TEKTL1: variants seen among roughly 807,000 people sequenced by gnomAD.
TEKTL1 encodes the protein tektin like 1, also known as tektin-like protein 1.
the TEKTL1 span, among the ~76,000 whole-genome samples, chr19:15,017,750 T>C: frequency 6.6e-6 from 1 of 152,078 alleles, no homozygotes; most frequent in East Asian, 1.9e-4. Flanking sequence ...AACCAAGCAA[T>C]TGACACCCAG....
At chr19:15,021,293 G>T in the TEKTL1 span, 1 of 1,592,110 alleles carries the variant, frequency 6.3e-7, no homozygotes, top group Non-Finnish European at 8.6e-7. Flanking sequence ...ATAGAGAGAG[G>T]GACAGGGGCT....
chr19:15,020,346 A>T, the TEKTL1 span: 2 of 828,798 alleles, frequency 2.4e-6, no homozygotes, highest in Non-Finnish European at 3.7e-6. Context: ...TTCCGTTTAG[A>T]GGTAGAAATG....
the TEKTL1 span, chr19:15,010,763 T>C: frequency 6.9e-7 from 1 of 1,454,866 alleles, no homozygotes; most frequent in East Asian, 2.5e-5. Flanking sequence ...GAGTTGTGTG[T>C]CTTTGGGGTC....
At chr19:15,023,060 G>A in the TEKTL1 span, 4 of 1,611,700 alleles carry the variant, frequency 2.5e-6, no homozygotes, top group South Asian at 1.1e-5. Context: ...GCAGCGCCTG[G>A]TTAAGGACTG....
the TEKTL1 span, among the ~76,000 whole-genome samples, chr19:15,014,795 C>T: frequency 9.2e-4 from 139 of 150,332 alleles, 1 homozygote; most frequent in Non-Finnish European, 1.8e-3. Flanking sequence ...TATCTTCTGG[C>T]CGCTGTCATA....
At chr19:15,018,171 A>G in the TEKTL1 span, among the ~76,000 whole-genome samples, 1 of 152,056 alleles carries the variant, frequency 6.6e-6, no homozygotes. Context: ...TGGCCAACAT[A>G]GCAAAATCCT....
At chr19:15,014,739 G>GGT in the TEKTL1 span, among the ~76,000 whole-genome samples, 1 of 99,478 alleles carries the variant, frequency 1.0e-5, no homozygotes, top group Non-Finnish European at 2.0e-5. Context: ...GGCGGGGGGC[G>GGT]GGGGCTGCTG....
the TEKTL1 span, chr19:15,021,746 G>T: frequency 3.7e-6 from 6 of 1,612,224 alleles, no homozygotes; most frequent in Non-Finnish European, 5.1e-6. Flanking sequence ...GGGGGTGGAG[G>T]CAGGGGTGCC....
At chr19:15,013,641 C>A in the TEKTL1 span, 2 of 1,522,096 alleles carry the variant, frequency 1.3e-6, no homozygotes, top group South Asian at 1.1e-5. Context: ...CCTTTCTTAA[C>A]GATGTGAGGG....
chr19:15,011,734 C>CA, the TEKTL1 span, among the ~76,000 whole-genome samples: 18,699 of 121,454 alleles, frequency 0.15, 1,463 homozygotes, highest in South Asian at 0.27. Context: ...AACTCCATCT[C>CA]AAAAAAAAAA....
chr19:15,022,331 ATTG>A, the TEKTL1 span, among the ~76,000 whole-genome samples: 3 of 151,892 alleles, frequency 2.0e-5, no homozygotes, highest in African/African-American at 7.3e-5. Flanking sequence ...ATTAACTATT[ATTG>A]TTATTATTAT....
the TEKTL1 span, among the ~76,000 whole-genome samples, chr19:15,012,921 G>A: frequency 7.5e-6 from 1 of 134,216 alleles, no homozygotes. Context: ...CCCAACCCAG[G>A]TGAAACTCCC....
chr19:15,013,528 C>G, the TEKTL1 span: 1 of 613,852 alleles, frequency 1.6e-6, no homozygotes, highest in African/African-American at 1.9e-5. Context: ...AGTGAGACAC[C>G]CCACCCAAAG....
At chr19:15,010,804 G>A in the TEKTL1 span, 2 of 1,507,012 alleles carry the variant, frequency 1.3e-6, no homozygotes, top group Non-Finnish European at 1.8e-6. Flanking sequence ...TCCCGGCCAG[G>A]CCGAGAGACC....
At chr19:15,011,902 T>G in the TEKTL1 span, among the ~76,000 whole-genome samples, 3 of 152,006 alleles carry the variant, frequency 2.0e-5, no homozygotes, top group Non-Finnish European at 2.9e-5. Flanking sequence ...TGCAGTGAAC[T>G]ATGATGGCAC....
the TEKTL1 span, chr19:15,020,345 G>T: frequency 2.4e-6 from 2 of 826,206 alleles, no homozygotes; most frequent in Non-Finnish European, 3.7e-6. Flanking sequence ...TTTCCGTTTA[G>T]AGGTAGAAAT....
chr19:15,016,230 G>A, the TEKTL1 span, among the ~76,000 whole-genome samples: 1 of 136,638 alleles, frequency 7.3e-6, no homozygotes, highest in Admixed American at 8.1e-5. Context: ...TATTGCCCAG[G>A]CTGGAGTGCA....
At chr19:15,018,715 A>ATATATATATATATAT in the TEKTL1 span, among the ~76,000 whole-genome samples, 11 of 68,288 alleles carry the variant, frequency 1.6e-4, no homozygotes, top group African/African-American at 4.6e-4. Context: ...CCTATCTCAA[A>ATATATATATATATAT]ATATGTATAT....
the TEKTL1 span, chr19:15,021,356 G>A: frequency 1.2e-6 from 2 of 1,613,966 alleles, no homozygotes; most frequent in Non-Finnish European, 1.7e-6. Context: ...TTTGCAGCGT[G>A]CGCCTTGGCG....
Sources: allele counts gnomAD v4.1 joint callset (sites outside exome capture counted in the v4.1 genomes callset), GRCh38; gene constraint gnomAD v4.1.1; transcripts MANE v1.5; gene names NCBI Gene and HGNC (gene_info 2026-07-23, HGNC 2026-07-21).